Variants in PTCD1 observed in about 807,000 individuals in gnomAD.
PTCD1 encodes the protein pentatricopeptide repeat-containing protein 1, mitochondrial.
Under a neutral mutation model 53.4 loss-of-function variants are expected in PTCD1, and 50 were observed. The observed-to-expected ratio is 0.94, with a 90% CI of 0.75 to 1.19. The LOEUF (loss-of-function observed/expected upper bound fraction) is 1.19, where lower values mean the gene tolerates loss of function less well. PTCD1 is among the 50% of genes most tolerant of loss of function. The pLI is 0.00. For missense variants in PTCD1, 918 were observed against 904.8 expected (o/e 1.01, Z -0.19); for synonymous variants, 413 against 394.8 (o/e 1.05, Z -0.55).
At chr7:99,423,201 C>A (rs1795894687) in intron 7 of PTCD1, among the ~76,000 whole-genome samples, 1 of 152,076 alleles carries the variant, frequency 6.6e-6, no homozygotes, top group African/African-American at 2.4e-5. Context: ...ACTGCCTGCC[C>A]AGTCCCTGAG....
chr7:99,434,576 G>A (rs1161435447), intron 2 of PTCD1, among the ~76,000 whole-genome samples: 2 of 148,660 alleles, frequency 1.3e-5, no homozygotes, highest in Non-Finnish European at 3.0e-5. Context: ...GATCAGCTCA[G>A]TGCAACCTCC....
At chr7:99,426,138 T>A (rs1445388280) in intron 5 of PTCD1, among the ~76,000 whole-genome samples, 45 of 105,298 alleles carry the variant, frequency 4.3e-4, no homozygotes, top group Non-Finnish European at 3.6e-4. Flanking sequence ...CCTCTCCCCA[T>A]GGTCTCCCTC....
intron 7 of PTCD1, among the ~76,000 whole-genome samples, chr7:99,420,376 AT>A (rs1366045531): frequency 6.6e-6 from 1 of 152,136 alleles, no homozygotes; most frequent in Non-Finnish European, 1.5e-5. Flanking sequence ...CATCTGCCCA[AT>A]GGCGTTCTTC....
Position 99,417,854 on chromosome 7 carries a change from A to ATGG in PTCD1, c.*2110_*2112dup. On this transcript the variant is annotated 3_prime_UTR_variant, in exon 8 of 8. Coordinates refer to ENST00000292478, the MANE Select transcript of PTCD1 (RefSeq NM_015545.4). ...CTGAACCCCTTTCCTCACTTAGGAA[A>ATGG]TGGTGGTGGGGAGCCCTAATCCCAA... 1 of 1,420,830 alleles carries ATGG rather than the reference A, an allele frequency of 7.0e-7. No individual in the cohort carries two copies. The highest frequency in any genetic ancestry group is 9.2e-7 in the Non-Finnish European group (1 of 1,084,496). The allele number at this position is 1,420,830 out of a possible 1,614,324, so 88.0% of individuals were successfully genotyped here.
intron 5 of PTCD1, among the ~76,000 whole-genome samples, chr7:99,426,144 C>T (rs989407627): frequency 7.2e-6 from 1 of 138,170 alleles, no homozygotes; most frequent in African/African-American, 2.9e-5. Context: ...CCCATGGTCT[C>T]CCTCTCCCTC....
Position 99,438,797 on chromosome 7 carries a change from C to A in PTCD1, c.-132G>T, listed in dbSNP as rs1584474184. ...CTCTCCCCAAGCGCGCAGGCGCAATCCGCGTCGCCGACTCACGCGGCTGGT... is the reference window on the plus strand; with the variant it reads ...CTCTCCCCAAGCGCGCAGGCGCAATACGCGTCGCCGACTCACGCGGCTGGT... On this transcript the variant is annotated 5_prime_UTR_variant, in exon 1 of 8. Coordinates refer to ENST00000292478, the MANE Select transcript of PTCD1 (RefSeq NM_015545.4). The A allele has an allele frequency of 1.4e-6, 2 of 1,399,320 alleles. No homozygotes were observed. Among genetic ancestry groups the A allele is most frequent in the Non-Finnish European group, 1.9e-6 (2 of 1,061,348 alleles). 86.7% of individuals were successfully genotyped at this position (1,399,320 alleles called of 1,614,324 possible).
At chr7:99,431,692 G>C (rs1489613888) in intron 3 of PTCD1, among the ~76,000 whole-genome samples, 1 of 152,118 alleles carries the variant, frequency 6.6e-6, no homozygotes, top group African/African-American at 2.4e-5. Context: ...AGTGAGCCGA[G>C]GTCGCACCAC....
chr7:99,426,112 T>C (rs1013094636), intron 5 of PTCD1, among the ~76,000 whole-genome samples: 2 of 148,932 alleles, frequency 1.3e-5, no homozygotes, highest in African/African-American at 4.9e-5. Flanking sequence ...TCCCTCTCCC[T>C]CTCCCTCTCC....
At chr7:99,423,364 G>C (rs1237954039) in intron 7 of PTCD1, among the ~76,000 whole-genome samples, 3 of 152,174 alleles carry the variant, frequency 2.0e-5, no homozygotes, top group African/African-American at 7.2e-5. Context: ...ACGGCATAAA[G>C]GAACAGAGTG....
intron 7 of PTCD1, among the ~76,000 whole-genome samples, chr7:99,420,940 C>A (rs1795783852): frequency 6.6e-6 from 1 of 151,634 alleles, no homozygotes; most frequent in Admixed American, 6.6e-5. Context: ...GAGCAAGACT[C>A]CATCTCAAAA....
In PTCD1 at chr7:99,419,814, GC is replaced by G; in HGVS notation, c.*152del. 1 of 1,327,772 alleles carries G rather than the reference GC, an allele frequency of 7.5e-7. No individual in the cohort carries two copies. Among genetic ancestry groups the G allele is most frequent in the South Asian group, 1.3e-5 (1 of 74,724 alleles). The allele number at this position is 1,327,772 out of a possible 1,614,324, so 82.2% of individuals were successfully genotyped here. ...CCTGCTGGGAGCACAGGCACCTTGG[GC>G]CTAGTGTGTGTCCTCACCAACACCT... On this transcript the variant is annotated 3_prime_UTR_variant, in exon 8 of 8. Transcript: ENST00000292478.
chr7:99,433,494 T>G, intron 2 of PTCD1, 76 bp from the exon 3 acceptor site: 1 of 1,610,386 alleles, frequency 6.2e-7, no homozygotes, highest in Non-Finnish European at 8.5e-7. Context: ...AGGTTGAAGC[T>G]GAGGGACCCT....
chr7:99,435,448 G>A (rs1407781726), intron 1 of PTCD1, among the ~76,000 whole-genome samples, 180 bp from the exon 2 acceptor site: 1 of 151,036 alleles, frequency 6.6e-6, no homozygotes, highest in Non-Finnish European at 1.5e-5. Context: ...AGACCAGCCT[G>A]GACAACATGG....
At chr7:99,420,553 A>C (rs935102276) in intron 7 of PTCD1, among the ~76,000 whole-genome samples, 1 of 152,170 alleles carries the variant, frequency 6.6e-6, no homozygotes, top group Non-Finnish European at 1.5e-5. Flanking sequence ...AGGCTCCATG[A>C]GATATGGGGA....
rs1371877368 is a variant in PTCD1, at chr7:99,419,775, G to C, written c.*192C>G. On this transcript the variant is annotated 3_prime_UTR_variant, in exon 8 of 8. Transcript: ENST00000292478. ...TGAAGGTGACACGCAAAGGTGGCTG[G>C]AGCTGCACTTGGACCTGCTGGGAGC... The C allele has an allele frequency of 4.5e-6, 4 of 895,742 alleles. No individual in the cohort carries two copies. The highest frequency in any genetic ancestry group is 1.7e-5 in the African/African-American group (1 of 59,516). 55.5% of individuals were successfully genotyped at this position (895,742 alleles called of 1,614,324 possible). A position where few individuals can be genotyped will look rare whatever the true frequency, so the allele number is the denominator to read the frequency against.
Position 99,419,407 on chromosome 7 carries a change from GCA to G in PTCD1, c.*558_*559del, listed in dbSNP as rs1342798577. 1 of 1,612,950 alleles carries G rather than the reference GCA, an allele frequency of 6.2e-7. No homozygotes were observed. The highest frequency in any genetic ancestry group is 8.5e-7 in the Non-Finnish European group (1 of 1,180,022). On this transcript the variant is annotated 3_prime_UTR_variant, in exon 8 of 8. Transcript: ENST00000292478. ...CCGTTGCAGGGCCGCATCATCGAGT[GCA>G]CACACTGTGGCTGTCGTGGCTGCTC...
Position 99,420,089 on chromosome 7 carries a change from A to T in PTCD1, c.1981T>A (p.Trp661Arg). 6.2e-7 allele frequency: 1 copy of T among 1,614,152 alleles called. No homozygotes were observed. The highest frequency in any genetic ancestry group is 1.1e-5 in the South Asian group (1 of 91,082). ...IDGFRAYYKQ[W>R]LTVMPAEETP... ...TCCTCTGCGGGCATCACTGTCAGCCACTGCTTGTAATAGGCTCGGAAGCCG... is the reference window on the plus strand; with the variant it reads ...TCCTCTGCGGGCATCACTGTCAGCCTCTGCTTGTAATAGGCTCGGAAGCCG... Residue 661 changes from tryptophan (W) to arginine (R), a missense_variant, in exon 8 of 8, where the codon TGG (tryptophan) becomes AGG (arginine). Coordinates refer to ENST00000292478, the MANE Select transcript of PTCD1 (RefSeq NM_015545.4).
intron 5 of PTCD1, among the ~76,000 whole-genome samples, chr7:99,426,466 GCAGA>G (rs1166051867): frequency 2.0e-5 from 3 of 152,212 alleles, no homozygotes; most frequent in African/African-American, 7.2e-5. Context: ...TGCCGGGATT[GCAGA>G]CGGAGTCTCG....
Position 99,417,597 on chromosome 7 carries a change from T to C in PTCD1, c.*2370A>G. On this transcript the variant is annotated 3_prime_UTR_variant, in exon 8 of 8. Transcript: ENST00000292478. Reference sequence around the variant, plus strand: ...GTGCCCAAAAGCAAGCTGGAAGTGGTAATGTCTGACACTCAAGCTTGGTGT... The same window carrying C: ...GTGCCCAAAAGCAAGCTGGAAGTGGCAATGTCTGACACTCAAGCTTGGTGT... 3 of 1,611,018 alleles carry C rather than the reference T, an allele frequency of 1.9e-6. No individual in the cohort carries two copies. The highest frequency in any genetic ancestry group is 2.5e-6 in the Non-Finnish European group (3 of 1,179,982).
Sources: allele counts gnomAD v4.1 joint callset (sites outside exome capture counted in the v4.1 genomes callset), GRCh38; gene constraint gnomAD v4.1.1; transcripts MANE v1.5; gene names NCBI Gene and HGNC (gene_info 2026-07-23, HGNC 2026-07-21).